Variants in GRIK4 observed in about 807,000 individuals in gnomAD.
GRIK4 encodes the protein glutamate ionotropic receptor kainate type subunit 4.
In GRIK4, 40 loss-of-function variants were observed where a neutral mutation model predicts 104.9. The observed-to-expected ratio is 0.38, with a 90% CI of 0.30 to 0.50. The LOEUF (loss-of-function observed/expected upper bound fraction) is 0.50. Among genes scored for constraint, GRIK4 ranks in the 20% least tolerant of loss-of-function variants. The probability of loss-of-function intolerance (pLI) is 0.93; values close to 1 mark genes in which losing one functional copy is unlikely to be tolerated. For missense variants in GRIK4, 1,047 were observed against 1,308.1 expected (o/e 0.80, Z 3.08); for synonymous variants, 485 against 524.9 (o/e 0.92, Z 1.04).
chr11:120,704,362 T>G (rs1950596672), intron 3 of GRIK4, among the ~76,000 whole-genome samples: 1 of 152,198 alleles, frequency 6.6e-6, no homozygotes, highest in Admixed American at 6.5e-5. Flanking sequence ...GCTATTGGAT[T>G]TATTGCTTGC....
intron 1 of GRIK4, among the ~76,000 whole-genome samples, chr11:120,651,068 G>A (rs1434953511): frequency 6.6e-6 from 1 of 152,144 alleles, no homozygotes; most frequent in Non-Finnish European, 1.5e-5. Context: ...TGGGAATGGG[G>A]TTGATCTGGA....
At chr11:120,596,944 T>G (rs1314409227) in intron 1 of GRIK4, among the ~76,000 whole-genome samples, 1 of 152,146 alleles carries the variant, frequency 6.6e-6, no homozygotes, top group Non-Finnish European at 1.5e-5. Context: ...AGGCTAGTCT[T>G]GAACTCCTGA....
intron 7 of GRIK4, among the ~76,000 whole-genome samples, chr11:120,835,852 CG>C (rs1476575681): frequency 2.0e-5 from 3 of 152,066 alleles, no homozygotes; most frequent in Non-Finnish European, 4.4e-5. Flanking sequence ...GTATTTATGA[CG>C]GGTACAAAGA....
intron 3 of GRIK4, among the ~76,000 whole-genome samples, chr11:120,743,903 G>A (rs75318095): frequency 0.01 from 1,596 of 152,286 alleles, 26 homozygotes; most frequent in African/African-American, 0.035. Context: ...ATTTACTGTC[G>A]GTGGAAGGGC....
chr11:120,893,353 T>C (rs1052959414), intron 11 of GRIK4, among the ~76,000 whole-genome samples: 18 of 152,246 alleles, frequency 1.2e-4, no homozygotes, highest in Admixed American at 1.2e-3. Context: ...TTTTAATATT[T>C]GACTAAGCAG....
At chr11:120,617,938 T>C (rs1949137173) in intron 1 of GRIK4, among the ~76,000 whole-genome samples, 1 of 152,086 alleles carries the variant, frequency 6.6e-6, no homozygotes, top group Non-Finnish European at 1.5e-5. Flanking sequence ...GGGAGTGGGG[T>C]ATTGCTATAA....
At chr11:120,527,213 T>G (rs1224286449) in intron 1 of GRIK4, among the ~76,000 whole-genome samples, 1 of 152,204 alleles carries the variant, frequency 6.6e-6, no homozygotes, top group African/African-American at 2.4e-5. Flanking sequence ...TGCGTCATCT[T>G]TGTGGCTCTG....
At chr11:120,550,609 C>T (rs1227599251) in intron 1 of GRIK4, among the ~76,000 whole-genome samples, 4 of 152,038 alleles carry the variant, frequency 2.6e-5, no homozygotes, top group Non-Finnish European at 5.9e-5. Flanking sequence ...GCGGGGAGCC[C>T]TGCAGTGGAC....
rs543362814 is a variant in GRIK4, at chr11:120,866,197, A to G, written c.906+4077A>G. ...TCACATAGTCACACAGTGAAGATCAAAGCCGCTGTTATCCGGATGCGCCAT... is the reference window on the plus strand; with the variant it reads ...TCACATAGTCACACAGTGAAGATCAGAGCCGCTGTTATCCGGATGCGCCAT... On this transcript the variant is annotated intron_variant, in intron 9 of 20. Transcript: ENST00000527524. 2.6e-5 allele frequency among the ~76,000 whole-genome samples: 4 copies of G among 152,272 alleles called. No homozygotes were observed. The South Asian group carries it at 6.2e-4, about 24-fold the overall frequency.
At chr11:120,693,002 G>C (rs1338040036) in intron 3 of GRIK4, among the ~76,000 whole-genome samples, 1 of 152,082 alleles carries the variant, frequency 6.6e-6, no homozygotes, top group Non-Finnish European at 1.5e-5. Context: ...AAAGTGCTGG[G>C]ATTACAGGCG....
chr11:120,892,847 C>G (rs983937104), intron 11 of GRIK4, among the ~76,000 whole-genome samples: 3 of 152,184 alleles, frequency 2.0e-5, no homozygotes, highest in African/African-American at 7.2e-5. Flanking sequence ...TGTCTAGGCT[C>G]TCCTTAAAAT....
chr11:120,525,113 C>T (rs1947842468), intron 1 of GRIK4, among the ~76,000 whole-genome samples: 1 of 152,210 alleles, frequency 6.6e-6, no homozygotes, highest in African/African-American at 2.4e-5. Flanking sequence ...TGTGGGCTCC[C>T]TGGGAAGGGG....
intron 1 of GRIK4, among the ~76,000 whole-genome samples, chr11:120,647,720 T>C (rs1164341023): frequency 6.6e-6 from 1 of 152,270 alleles, no homozygotes; most frequent in Non-Finnish European, 1.5e-5. Flanking sequence ...CTGCCTGCCT[T>C]CCAGCACTGT....
intron 3 of GRIK4, among the ~76,000 whole-genome samples, chr11:120,777,655 G>A (rs149051618): frequency 6.6e-6 from 1 of 152,342 alleles, no homozygotes; most frequent in African/African-American, 2.4e-5. Context: ...GACAGAATAG[G>A]GCTGGGTGCG....
intron 1 of GRIK4, among the ~76,000 whole-genome samples, chr11:120,638,709 C>T (rs1048372715): frequency 1.3e-5 from 2 of 151,674 alleles, no homozygotes; most frequent in African/African-American, 4.8e-5. Context: ...AATCTCCTGA[C>T]CTCGTGATCC....
At chr11:120,522,643 C>T (rs1376862942) in intron 1 of GRIK4, among the ~76,000 whole-genome samples, 3 of 152,108 alleles carry the variant, frequency 2.0e-5, no homozygotes. Context: ...TGTTCTGCAC[C>T]CTCCTTGGAA....
rs550878239 is a variant in GRIK4 at position 120,524,309 on chromosome 11, G to A, written c.-159+12422G>A. Among the ~76,000 whole-genome samples the A allele has an allele frequency of 1.6e-4, 25 of 152,256 alleles. No individual in the cohort carries two copies. Among genetic ancestry groups the A allele is most frequent in the Non-Finnish European group, 2.9e-4 (20 of 68,022 alleles). On this transcript the variant is annotated intron_variant, in intron 1 of 20. Transcript: ENST00000527524. This position sits in a 1 kb window ranked among gnomAD's most constrained non-coding sequence, Gnocchi z 4.5. ...GGGTGAACGGCTGCTTTGGTGAGCCGCTTGTCTGCAGAGGCCCTGGACTCT... is the reference window on the plus strand; with the variant it reads ...GGGTGAACGGCTGCTTTGGTGAGCCACTTGTCTGCAGAGGCCCTGGACTCT...
chr11:120,843,070 T>C (rs1953756831), intron 8 of GRIK4, among the ~76,000 whole-genome samples: 1 of 152,178 alleles, frequency 6.6e-6, no homozygotes, highest in Non-Finnish European at 1.5e-5. Context: ...GAGAGAAGTG[T>C]TGAGATTTAA....
At chr11:120,518,493 C>T (rs1399773568) in intron 1 of GRIK4, among the ~76,000 whole-genome samples, 1 of 151,892 alleles carries the variant, frequency 6.6e-6, no homozygotes, top group Non-Finnish European at 1.5e-5. Context: ...GGGTTTAGTC[C>T]AAGCCCCAGA....
Sources: gnomAD v4.1 joint callset for allele counts (sites outside exome capture counted in the v4.1 genomes callset) on GRCh38, gnomAD v4.1.1 for gene constraint, Gnocchi (gnomAD v3.1) non-coding constraint, MANE v1.5 for transcripts, NCBI Gene and HGNC (gene_info 2026-07-23, HGNC 2026-07-21) for gene names.